CUEDC1: variants seen among roughly 807,000 people sequenced by gnomAD.
CUEDC1 encodes CUE domain-containing protein 1.
In CUEDC1, 30 loss-of-function variants were observed where a neutral mutation model predicts 43.7. The observed-to-expected ratio is 0.69, with a 90% confidence interval of 0.51 to 0.93. The LOEUF is 0.93. Ranked by LOEUF, CUEDC1 falls within the 40% of genes least tolerant of loss-of-function variation. CUEDC1 has a pLI of 0.00. For missense variants in CUEDC1, 486 were observed against 549.0 expected, an observed-to-expected ratio of 0.89 and a Z score of 1.15; for synonymous variants, 223 against 223.6, an observed-to-expected ratio of 1.00 and a Z score of 0.02.
At chr17:57,865,093 G>A (rs2144904403) in intron 10 of CUEDC1, among the ~76,000 whole-genome samples, 1 of 151,394 alleles carries the variant, frequency 6.6e-6, no homozygotes, top group East Asian at 1.9e-4. Flanking sequence ...AATGAATGAT[G>A]AGCAAGTTTC....
chr17:57,909,244 C>T (rs1379199037), intron 1 of CUEDC1, among the ~76,000 whole-genome samples: 1 of 152,150 alleles, frequency 6.6e-6, no homozygotes, highest in African/African-American at 2.4e-5. Flanking sequence ...ATCTGCCCGC[C>T]TCAGCCTCCC....
At chr17:57,889,452 G>A in intron 1 of CUEDC1, among the ~76,000 whole-genome samples, 1 of 152,220 alleles carries the variant, frequency 6.6e-6, no homozygotes, top group Non-Finnish European at 1.5e-5. Flanking sequence ...TGGAGACACA[G>A]CAGCTCAAGC....
At chr17:57,943,442 A>T (rs925179333) in intron 1 of CUEDC1, among the ~76,000 whole-genome samples, 3 of 152,100 alleles carry the variant, frequency 2.0e-5, no homozygotes, top group Admixed American at 6.5e-5. Flanking sequence ...TCTCCACCAA[A>T]CATAAGCCAC....
intron 2 of CUEDC1, among the ~76,000 whole-genome samples, chr17:57,880,272 C>T (rs144054354): frequency 0.012 from 1,758 of 152,326 alleles, 22 homozygotes; most frequent in African/African-American, 0.033. Context: ...AGTACCTCCA[C>T]GTCTCTGATC....
At chr17:57,904,224 T>C (rs2074504043) in intron 1 of CUEDC1, among the ~76,000 whole-genome samples, 1 of 152,192 alleles carries the variant, frequency 6.6e-6, no homozygotes. Flanking sequence ...GCAGCTGTCC[T>C]GGCCCCCCTA....
chr17:57,885,546 G>GGTCATTTT lies in CUEDC1; in HGVS notation c.18_19insAAAATGAC (p.Arg7LysfsTer84). On this transcript the variant is annotated frameshift_variant, in exon 2 of 11. Transcript: ENST00000577830. LOFTEE classifies it high-confidence loss of function. ...CCCCCGCCGCTGCCGCTGCTGCTCC[G>GGTCATTTT]GCGGAACAGGCTGGTCATTTTGCGG... is the stretch of plus-strand genomic sequence containing the variant. 7.3e-7 allele frequency: 1 copy of GGTCATTTT among 1,372,488 alleles called. No homozygotes were observed. The highest frequency in any genetic ancestry group is 9.3e-7 in the Non-Finnish European group (1 of 1,070,264). 85.0% of individuals were successfully genotyped at this position (1,372,488 alleles called of 1,614,324 possible). A position where few individuals can be genotyped will look rare whatever the true frequency, so the allele number is the denominator to read the frequency against.
chr17:57,872,320 T>C (rs1440486839), intron 5 of CUEDC1, among the ~76,000 whole-genome samples: 2 of 152,222 alleles, frequency 1.3e-5, no homozygotes, highest in East Asian at 3.9e-4. Flanking sequence ...ACGCCTGCCT[T>C]GGGGCTGGGG....
intron 1 of CUEDC1, among the ~76,000 whole-genome samples, chr17:57,889,640 G>C (rs1028169126): frequency 2.0e-5 from 3 of 152,346 alleles, no homozygotes; most frequent in African/African-American, 7.2e-5. Flanking sequence ...TAAAGGCAAA[G>C]TCTAGACTTT....
intron 1 of CUEDC1, among the ~76,000 whole-genome samples, chr17:57,935,687 C>A (rs1223238332): frequency 6.6e-6 from 1 of 152,100 alleles, no homozygotes; most frequent in African/African-American, 2.4e-5. Context: ...CCTGTGTTTA[C>A]CCCGGGTGCA....
At chr17:57,914,978 C>T (rs1344548196) in intron 1 of CUEDC1, 1 of 152,208 alleles carries the variant, frequency 6.6e-6, no homozygotes, top group Non-Finnish European at 1.5e-5. Context: ...CACACCAACC[C>T]AATGAGGCAG....
At chr17:57,867,294 A>G (rs2073972793) in intron 9 of CUEDC1, 63 bp downstream of exon 9, 3 of 1,484,132 alleles carry the variant, frequency 2.0e-6, no homozygotes, top group Non-Finnish European at 2.8e-6. Flanking sequence ...AACACCCAGG[A>G]ACTCCGCTGG....
chr17:57,953,982 G>A (rs2075031159), intron 1 of CUEDC1, among the ~76,000 whole-genome samples: 1 of 152,178 alleles, frequency 6.6e-6, no homozygotes, highest in African/African-American at 2.4e-5. Flanking sequence ...GGTACCAGTG[G>A]CACTGACCCC....
At chr17:57,904,575 T>A (rs577252148) in intron 1 of CUEDC1, among the ~76,000 whole-genome samples, 5 of 152,292 alleles carry the variant, frequency 3.3e-5, no homozygotes, top group African/African-American at 9.6e-5. Context: ...TCCCCGGGAA[T>A]GGCCCCTGCT....
Position 57,897,654 on chromosome 17 carries a change from GAA to G in CUEDC1, c.-315-11777_-315-11776del, listed in dbSNP as rs58748550. Among the ~76,000 whole-genome samples the G allele has an allele frequency of 3.3e-3, 362 of 109,566 alleles. 2 individuals are homozygous for G. The highest frequency in any genetic ancestry group is 0.01 in the African/African-American group (338 of 32,926). The allele number at this position is 109,566 out of a possible 152,430, so 71.9% of individuals were successfully genotyped here. A position where few individuals can be genotyped will look rare whatever the true frequency, so the allele number is the denominator to read the frequency against. On this transcript the variant is annotated intron_variant, in intron 1 of 10. Transcript: ENST00000577830. ...CACTGCACTCCAGCCTGGTCTCAAT[GAA>G]AAAAAAAAAAAAAAAAAGTTTTTCT...
chr17:57,952,168 C>T (rs576129783), intron 1 of CUEDC1, among the ~76,000 whole-genome samples: 15 of 152,194 alleles, frequency 9.9e-5, no homozygotes, highest in African/African-American at 2.4e-4. Flanking sequence ...TGGACCACAG[C>T]GCTTTAGGGT....
chr17:57,905,180 GAA>G (rs570015873), intron 1 of CUEDC1, among the ~76,000 whole-genome samples: 52 of 151,300 alleles, frequency 3.4e-4, no homozygotes, highest in South Asian at 1.5e-3. Context: ...AAGTCACCAT[GAA>G]GAACACTGCC....
intron 1 of CUEDC1, among the ~76,000 whole-genome samples, chr17:57,928,291 T>C (rs1317120852): frequency 1.3e-5 from 2 of 152,120 alleles, no homozygotes; most frequent in African/African-American, 4.8e-5. Context: ...GGCTCACGCC[T>C]ATAATCCCAG....
chr17:57,922,154 A>T (rs1263781653), intron 1 of CUEDC1, among the ~76,000 whole-genome samples: 1 of 152,080 alleles, frequency 6.6e-6, no homozygotes, highest in Non-Finnish European at 1.5e-5. Context: ...AAAGCAGCAA[A>T]TGTTACCCCT....
chr17:57,889,661 G>C (rs1463962077), intron 1 of CUEDC1, among the ~76,000 whole-genome samples: 1 of 152,228 alleles, frequency 6.6e-6, no homozygotes, highest in African/African-American at 2.4e-5. Context: ...TCTATCAAAG[G>C]GTGGTTCTGT....
Sources: allele counts gnomAD v4.1 joint callset (sites outside exome capture counted in the v4.1 genomes callset), GRCh38; gene constraint gnomAD v4.1.1; transcripts MANE v1.5; gene names NCBI Gene and HGNC (gene_info 2026-07-23, HGNC 2026-07-21).